Variants in ZNF550 observed in about 807,000 individuals in gnomAD.
ZNF550 encodes the protein zinc finger protein 550.
ZNF550 carries 42 observed loss-of-function variants against 40.2 expected under a neutral mutation model. The observed-to-expected ratio is 1.05, with a 90% CI of 0.82 to 1.35. The LOEUF (loss-of-function observed/expected upper bound fraction) is 1.35, where lower values mean the gene tolerates loss of function less well. Among genes scored for constraint, ZNF550 ranks in the 40% most tolerant of loss-of-function variants. The pLI is 0.00. For synonymous variants in ZNF550, 223 were observed against 198.6 expected, an observed-to-expected ratio of 1.12 and a Z score of -1.03; for missense variants, 549 against 525.2, an observed-to-expected ratio of 1.05 and a Z score of -0.44.
chr19:57,547,446 C>T, exon 4 of ZNF550: 11 of 1,614,098 alleles, frequency 6.8e-6, no homozygotes, highest in Non-Finnish European at 9.3e-6. Context: ...GTTTGAAGGC[C>T]TTCCCACACT....
At chr19:57,551,274 G>T (rs1020404382) in intron 3 of ZNF550, among the ~76,000 whole-genome samples, 2 of 152,136 alleles carry the variant, frequency 1.3e-5, no homozygotes, top group South Asian at 2.1e-4. Flanking sequence ...AACATCAGCT[G>T]CTGGGGAAGT....
rs1435398210 is a variant in ZNF550 at position 57,546,822 on chromosome 19, TGTTA to T, written c.*149_*152del. The T allele has an allele frequency of 8.8e-5, 124 of 1,412,392 alleles. 1 individual carries two copies. In the South Asian group the frequency reaches 9.5e-4, roughly 11 times the overall value. The allele number at this position is 1,412,392 out of a possible 1,614,324, so 87.5% of individuals were successfully genotyped here. On this transcript the variant is annotated 3_prime_UTR_variant, in exon 4 of 5. Transcript: ENST00000457177. ...CTTCTCTCCAAAGTGACTGCTCATG[TGTTA>T]GTTAAGAAAGAGCTGACAAAAAAAA...
At chr19:57,557,012 CAG>C (rs1169929926) in intron 1 of ZNF550, 1 of 152,414 alleles carries the variant, frequency 6.6e-6, no homozygotes, top group East Asian at 1.9e-4. Flanking sequence ...CGGAAGGCCA[CAG>C]GGACCTCTGC....
At chr19:57,549,061 C>A (rs2090049802) in intron 3 of ZNF550, among the ~76,000 whole-genome samples, 1 of 151,708 alleles carries the variant, frequency 6.6e-6, no homozygotes, top group Non-Finnish European at 1.5e-5. Flanking sequence ...TAATGGGTAC[C>A]AAAATGAAGT....
intron 1 of ZNF550, 140 bp from the exon 2 acceptor site, chr19:57,556,497 G>A: frequency 1.9e-6 from 2 of 1,049,052 alleles, no homozygotes; most frequent in African/African-American, 1.6e-5. Flanking sequence ...TTCCGTGCAG[G>A]GCTCAAAGGG....
At chr19:57,547,144 C>G in exon 4 of ZNF550, 17 of 1,611,418 alleles carry the variant, frequency 1.1e-5, no homozygotes, top group Non-Finnish European at 1.4e-5. Flanking sequence ...GGGCTTCTCC[C>G]CAGTGTGAAT....
At chr19:57,555,158 T>C (rs2090108544) in intron 2 of ZNF550, 1 of 152,144 alleles carries the variant, frequency 6.6e-6, no homozygotes, top group Non-Finnish European at 1.5e-5. Flanking sequence ...AAAGTCAATT[T>C]CCCTTCCTAC....
chr19:57,547,375 C>T, exon 4 of ZNF550: 1 of 1,611,980 alleles, frequency 6.2e-7, no homozygotes, highest in South Asian at 1.1e-5. Context: ...TCGACATTGA[C>T]TACACTCATA....
At chr19:57,547,108 G>T in exon 4 of ZNF550, 1 of 1,613,970 alleles carries the variant, frequency 6.2e-7, no homozygotes, top group East Asian at 2.2e-5. Context: ...CCGGTGAAAG[G>T]CTTTCCCACA....
At chr19:57,547,128 T>A (rs1568596491) in exon 4 of ZNF550, 2 of 1,613,734 alleles carry the variant, frequency 1.2e-6, no homozygotes. Context: ...ACTGGGTGCA[T>A]TCATAGGGCT....
At chr19:57,556,079 G>T in intron 2 of ZNF550, 152 bp downstream of exon 2, 1 of 996,988 alleles carries the variant, frequency 1.0e-6, no homozygotes, top group Non-Finnish European at 1.5e-6. Flanking sequence ...TTTCTACCCC[G>T]ACAATCTCTG....
At chr19:57,546,894 C>A in exon 4 of ZNF550, 1 of 1,485,804 alleles carries the variant, frequency 6.7e-7, no homozygotes, top group Non-Finnish European at 9.0e-7. Flanking sequence ...GGACTTCTTC[C>A]TACAGTGTGG....
chr19:57,544,241 C>A, intron 4 of ZNF550: 3 of 985,420 alleles, frequency 3.0e-6, no homozygotes, highest in Non-Finnish European at 3.6e-6. Flanking sequence ...TCTTGCCTAT[C>A]ACAGCAGCAA....
At chr19:57,548,718 A>G (rs991633643) in intron 3 of ZNF550, among the ~76,000 whole-genome samples, 2 of 152,208 alleles carry the variant, frequency 1.3e-5, no homozygotes, top group African/African-American at 4.8e-5. Context: ...CAGCAATCCC[A>G]GTGGAGGTAT....
At chr19:57,547,239 G>A (rs779343527) in exon 4 of ZNF550, 21 of 1,613,858 alleles carry the variant, frequency 1.3e-5, no homozygotes, top group Non-Finnish European at 1.7e-5. Context: ...CAGTGTGGAT[G>A]ATGTAATGTT....
intron 3 of ZNF550, among the ~76,000 whole-genome samples, chr19:57,550,494 G>C (rs1275080091): frequency 6.6e-6 from 1 of 152,168 alleles, no homozygotes; most frequent in African/African-American, 2.4e-5. Flanking sequence ...CAGCATATAG[G>C]ATAAACCCAG....
rs1025109027 is a variant in ZNF550 at position 57,554,355 on chromosome 19, C to G, written c.155-1633G>C. On this transcript the variant is annotated intron_variant, in intron 2 of 4. Transcript: ENST00000457177. This position sits in a 1 kb window ranked among gnomAD's most constrained non-coding sequence, Gnocchi z 4.5. The stretch of plus-strand genomic sequence containing the variant: ...AGTCAAGGCTGCAGCACCCAGCATC[C>G]CTATGAGGAGCCAGCCTGAGGACAA... The G allele has an allele frequency of 6.6e-6, 1 of 152,156 alleles. No homozygotes were observed. The highest frequency in any genetic ancestry group is 2.4e-5 in the African/African-American group (1 of 41,406). The allele number at this position is 152,156 out of a possible 1,614,324, so 9.4% of individuals were successfully genotyped here.
At chr19:57,555,233 TTGTA>T (rs1329914679) in intron 2 of ZNF550, 1 of 152,126 alleles carries the variant, frequency 6.6e-6, no homozygotes, top group Non-Finnish European at 1.5e-5. Flanking sequence ...CAGGAAACCC[TTGTA>T]TGTTTCTTAG....
chr19:57,547,822 G>A (rs751278640), exon 4 of ZNF550: 18 of 1,614,004 alleles, frequency 1.1e-5, no homozygotes, highest in South Asian at 2.2e-5. Context: ...TGTCTCCGGT[G>A]TCACTTTACC....
Sources: allele counts gnomAD v4.1 joint callset (sites outside exome capture counted in the v4.1 genomes callset), GRCh38; gene constraint gnomAD v4.1.1; non-coding constraint Gnocchi (gnomAD v3.1); transcripts MANE v1.5; gene names NCBI Gene and HGNC (gene_info 2026-07-23, HGNC 2026-07-21).